Variants in AKAP13 observed in about 807,000 individuals in gnomAD.
AKAP13 encodes A-kinase anchoring protein 13.
AKAP13 carries 80 observed loss-of-function variants against 264.5 expected under a neutral mutation model. The observed-to-expected ratio is 0.30, with a 90% CI of 0.25 to 0.36. AKAP13 has a LOEUF of 0.36. AKAP13 is among the 10% of genes least tolerant of loss of function. AKAP13 has a pLI of 1.00. For missense variants in AKAP13, 3,712 were observed against 3,435.2 expected, an observed-to-expected ratio of 1.08 and a Z score of -2.01; for synonymous variants, 1,380 against 1,250.2, an observed-to-expected ratio of 1.10 and a Z score of -2.19.
chr15:85,641,492 A>G (rs891235930), intron 9 of AKAP13, among the ~76,000 whole-genome samples: 3 of 79,884 alleles, frequency 3.8e-5, no homozygotes, highest in South Asian at 3.5e-4. Flanking sequence ...AAATAAATAA[A>G]TAAATAAATA....
chr15:85,542,494 A>G (rs1032155376), intron 4 of AKAP13, among the ~76,000 whole-genome samples: 6 of 152,226 alleles, frequency 3.9e-5, no homozygotes, highest in South Asian at 2.1e-4. Context: ...GAAGCATTTG[A>G]GGACTTCACA....
intron 5 of AKAP13, among the ~76,000 whole-genome samples, chr15:85,571,562 G>A (rs1267570949): frequency 1.3e-5 from 2 of 152,226 alleles, no homozygotes; most frequent in African/African-American, 2.4e-5. Context: ...TTTCTGAAAT[G>A]TCACATTAAT....
At position 85,719,248 on chromosome 15, in the gene AKAP13, G is replaced by T; in HGVS notation, c.6174G>T (p.Glu2058Asp). 1 of 1,614,208 alleles carries T rather than the reference G, an allele frequency of 6.2e-7. No homozygotes were observed. Among genetic ancestry groups the T allele is most frequent in the Non-Finnish European group, 8.5e-7 (1 of 1,180,028 alleles). ...GCCAATTCTTCCAGAGGATTCTGGA[G>T]CGGAAGAAGGAGTCTCTGGTGGATA... ...IHSQFFQRIL[E>D]RKKESLVDKS... The change falls in exon 23 of 37, where the codon GAG becomes GAT. Residue 2058 changes from glutamate to aspartate, a missense_variant. This residue lies in a region of AKAP13 where 342 missense variants were observed against 484.3 expected (regional missense o/e 0.71). Coordinates refer to ENST00000394518, the MANE Select transcript of AKAP13 (RefSeq NM_007200.5).
At chr15:85,512,925 C>T (rs920752835) in intron 2 of AKAP13, among the ~76,000 whole-genome samples, 17 of 151,482 alleles carry the variant, frequency 1.1e-4, no homozygotes, top group African/African-American at 3.2e-4. Context: ...GGTGTGATCT[C>T]GGCTCACTGC....
In AKAP13 at chr15:85,693,296, ATAAGAT is replaced by A; in HGVS notation, c.5314_5319del (p.Ile1772_Lys1773del). ...CGGCAGGAAAAGGAAAAAGAAAAAG[ATAAGAT>A]TAAGGAGAAGGAGAAAGATTCTAAA... is the stretch of plus-strand genomic sequence containing the variant. On this transcript the variant is annotated inframe_deletion, in exon 17 of 37. Transcript: ENST00000394518. The A allele has an allele frequency of 6.3e-7, 1 of 1,594,870 alleles. No homozygotes were observed. The highest frequency in any genetic ancestry group is 1.7e-4 in the Middle Eastern group (1 of 5,998).
chr15:85,470,863 T>G (rs1005473282), intron 1 of AKAP13, among the ~76,000 whole-genome samples: 1 of 152,262 alleles, frequency 6.6e-6, no homozygotes, highest in African/African-American at 2.4e-5. Context: ...TTCAATTTTA[T>G]GCTTTCTCTG....
chr15:85,619,234 C>T (rs764615952), intron 8 of AKAP13: 4 of 335,426 alleles, frequency 1.2e-5, no homozygotes, highest in Non-Finnish European at 1.7e-5. Context: ...GAATCATGTT[C>T]CCACAACTGC....
intron 19 of AKAP13, among the ~76,000 whole-genome samples, chr15:85,715,385 C>G (rs895267486): frequency 1.3e-5 from 2 of 152,158 alleles, no homozygotes. Flanking sequence ...CATTGAATAA[C>G]TTTGGACATA....
At chr15:85,690,711 C>G (rs2085234457) in intron 16 of AKAP13, among the ~76,000 whole-genome samples, 1 of 152,202 alleles carries the variant, frequency 6.6e-6, no homozygotes, top group African/African-American at 2.4e-5. Context: ...CCCATTTTGA[C>G]TGTGCTGATC....
intron 1 of AKAP13, among the ~76,000 whole-genome samples, chr15:85,384,666 G>A (rs1281289041): frequency 2.0e-5 from 3 of 150,276 alleles, no homozygotes; most frequent in South Asian, 2.1e-4. Flanking sequence ...GCAATGAGCC[G>A]AGATCATGCC....
chr15:85,657,431 C>T (rs2083149916), intron 11 of AKAP13, among the ~76,000 whole-genome samples: 1 of 152,202 alleles, frequency 6.6e-6, no homozygotes, highest in African/African-American at 2.4e-5. Context: ...CTTTATAACA[C>T]ATTTCTGATA....
intron 30 of AKAP13, among the ~76,000 whole-genome samples, chr15:85,732,326 A>G (rs1342382501): frequency 6.6e-6 from 1 of 152,002 alleles, no homozygotes; most frequent in Non-Finnish European, 1.5e-5. Flanking sequence ...GTGGGAAATT[A>G]TATTTTCAGA....
intron 1 of AKAP13, among the ~76,000 whole-genome samples, chr15:85,438,161 C>T (rs1410503821): frequency 2.8e-5 from 4 of 143,554 alleles, no homozygotes; most frequent in East Asian, 4.0e-4. Flanking sequence ...CAAGCATTCT[C>T]ATACACCAAC....
At chr15:85,413,447 A>G (rs759290270) in intron 1 of AKAP13, among the ~76,000 whole-genome samples, 12 of 152,186 alleles carry the variant, frequency 7.9e-5, no homozygotes, top group Non-Finnish European at 1.6e-4. Context: ...GAAACTTTAG[A>G]TTGTCTGAAA....
At chr15:85,462,307 A>G (rs561736426) in intron 1 of AKAP13, among the ~76,000 whole-genome samples, 85 of 152,314 alleles carry the variant, frequency 5.6e-4, no homozygotes, top group African/African-American at 2.0e-3. Context: ...TAGAAATTCT[A>G]TGCAAATCAC....
chr15:85,404,456 T>C (rs2071574474), intron 1 of AKAP13, among the ~76,000 whole-genome samples: 1 of 152,230 alleles, frequency 6.6e-6, no homozygotes, highest in Admixed American at 6.5e-5. Flanking sequence ...ATTCATGCAT[T>C]TGAGAAACAT....
intron 1 of AKAP13, among the ~76,000 whole-genome samples, chr15:85,478,221 G>C (rs1159809956): frequency 6.6e-6 from 1 of 152,090 alleles, no homozygotes; most frequent in Non-Finnish European, 1.5e-5. Context: ...TAATATTTTA[G>C]GGGCTCAGAA....
chr15:85,485,864 G>A (rs559247123), intron 2 of AKAP13, 111 bp downstream of exon 2: 30 of 954,396 alleles, frequency 3.1e-5, no homozygotes, highest in East Asian at 5.0e-5. Flanking sequence ...TTAACCATAT[G>A]TCCATGAATA....
At chr15:85,645,787 T>G in intron 9 of AKAP13, 31 bp from the exon 10 acceptor site, 1 of 1,546,148 alleles carries the variant, frequency 6.5e-7, no homozygotes, top group Non-Finnish European at 8.7e-7. Flanking sequence ...TTTTTTTTTT[T>G]CAATATTGGT....
Sources: allele counts gnomAD v4.1 joint callset (sites outside exome capture counted in the v4.1 genomes callset), GRCh38; gene constraint gnomAD v4.1.1; regional missense constraint gnomAD v4.1.1; transcripts MANE v1.5; gene names NCBI Gene and HGNC (gene_info 2026-07-23, HGNC 2026-07-21).